GPATCH2: variants seen among roughly 807,000 people sequenced by gnomAD.
GPATCH2 encodes G patch domain-containing protein 2.
In GPATCH2, 51 loss-of-function variants were observed where a neutral mutation model predicts 58.0. That is an observed-to-expected ratio of 0.88 (90% confidence interval 0.70 to 1.11). The LOEUF (loss-of-function observed/expected upper bound fraction) is 1.11. GPATCH2 is among the 50% of genes most tolerant of loss of function. The probability of loss-of-function intolerance (pLI) is 0.00; values close to 1 mark genes in which losing one functional copy is unlikely to be tolerated. For synonymous variants in GPATCH2, 222 were observed against 218.5 expected (o/e 1.02, Z -0.14); for missense variants, 625 against 652.2 (o/e 0.96, Z 0.45).
At chr1:217,498,553 C>A in intron 6 of GPATCH2, 158 bp from the exon 7 acceptor site, 2 of 657,418 alleles carry the variant, frequency 3.0e-6, no homozygotes, top group Admixed American at 2.6e-5. Context: ...AGACTTAGAC[C>A]AATTTTGACA....
intron 8 of GPATCH2, among the ~76,000 whole-genome samples, chr1:217,463,023 G>A (rs1026553839): frequency 1.3e-5 from 2 of 152,118 alleles, no homozygotes; most frequent in Non-Finnish European, 2.9e-5. Context: ...GTCAATAAAT[G>A]TTACCCATAA....
intron 1 of GPATCH2, 144 bp from the exon 2 acceptor site, chr1:217,620,643 TAC>T (rs1451284975): frequency 5.1e-6 from 3 of 583,802 alleles, no homozygotes; most frequent in African/African-American, 1.9e-5. Context: ...TCCAAGATAT[TAC>T]AGTTTTAAAT....
chr1:217,484,433 G>A (rs982433000), intron 8 of GPATCH2, among the ~76,000 whole-genome samples: 1 of 109,764 alleles, frequency 9.1e-6, no homozygotes, highest in East Asian at 2.7e-4. Context: ...CTCAGACTCA[G>A]ACTAGATCTA....
chr1:217,484,962 GGTTAA>G (rs1311707986), intron 8 of GPATCH2, among the ~76,000 whole-genome samples: 1 of 151,998 alleles, frequency 6.6e-6, no homozygotes, highest in Non-Finnish European at 1.5e-5. Flanking sequence ...TATCCATGTG[GGTTAA>G]GTTTTCTATG....
At chr1:217,576,972 T>A (rs1353131802) in intron 5 of GPATCH2, among the ~76,000 whole-genome samples, 2 of 152,210 alleles carry the variant, frequency 1.3e-5, no homozygotes, top group Non-Finnish European at 2.9e-5. Flanking sequence ...TTTTTAAAAC[T>A]CTAAAATAGG....
At chr1:217,563,276 T>C (rs1666018338) in intron 5 of GPATCH2, among the ~76,000 whole-genome samples, 1 of 152,146 alleles carries the variant, frequency 6.6e-6, no homozygotes, top group Non-Finnish European at 1.5e-5. Flanking sequence ...ATCTAGTATA[T>C]ATTCAGGAAC....
intron 9 of GPATCH2, among the ~76,000 whole-genome samples, chr1:217,438,715 T>A (rs1658977118): frequency 6.6e-6 from 1 of 151,982 alleles, no homozygotes; most frequent in African/African-American, 2.4e-5. Context: ...TATGGGACCA[T>A]GTGAAAAGAC....
At chr1:217,466,635 T>A (rs184392052) in intron 8 of GPATCH2, among the ~76,000 whole-genome samples, 23 of 152,204 alleles carry the variant, frequency 1.5e-4, no homozygotes, top group African/African-American at 5.5e-4. Flanking sequence ...AACTTCAATA[T>A]TGCTCACAGT....
intron 5 of GPATCH2, among the ~76,000 whole-genome samples, chr1:217,581,270 A>T (rs1558501395): frequency 6.6e-6 from 1 of 152,158 alleles, no homozygotes; most frequent in African/African-American, 2.4e-5. Flanking sequence ...AAAACTATTG[A>T]TTTCAAAACT....
At chr1:217,592,940 T>C (rs1178490639) in intron 5 of GPATCH2, among the ~76,000 whole-genome samples, 1 of 151,964 alleles carries the variant, frequency 6.6e-6, no homozygotes, top group African/African-American at 2.4e-5. Flanking sequence ...CCCCTGACTT[T>C]TGATTCAAAA....
intron 5 of GPATCH2, among the ~76,000 whole-genome samples, chr1:217,549,979 C>T (rs951749804): frequency 6.6e-6 from 1 of 152,068 alleles, no homozygotes; most frequent in African/African-American, 2.4e-5. Flanking sequence ...AGTTCTTTAA[C>T]GGGAGAACTC....
chr1:217,596,821 T>C (rs1667852993), intron 5 of GPATCH2, among the ~76,000 whole-genome samples: 1 of 152,308 alleles, frequency 6.6e-6, no homozygotes, highest in East Asian at 1.9e-4. Context: ...TACTGGATAC[T>C]TTCTGTCTAT....
chr1:217,593,182 C>T (rs1667670000), intron 5 of GPATCH2, among the ~76,000 whole-genome samples: 1 of 151,850 alleles, frequency 6.6e-6, no homozygotes, highest in Non-Finnish European at 1.5e-5. Flanking sequence ...AATAGATTTT[C>T]TAATTTACAA....
chr1:217,498,149 G>A (rs773705951), intron 7 of GPATCH2: 42 of 646,806 alleles, frequency 6.5e-5, no homozygotes, highest in Non-Finnish European at 1.2e-4. Context: ...TGAAGACAGT[G>A]GCAGTAAAGG....
In GPATCH2 at chr1:217,600,728, TA is replaced by T. The variant is rs201609297; in HGVS notation, c.1098+9592del. Among the ~76,000 whole-genome samples, 1,517 of 152,082 alleles carry T rather than the reference TA, an allele frequency of 1.0e-2. 25 individuals carry two copies. Among genetic ancestry groups the T allele is most frequent in the East Asian group, 0.068 (354 of 5,178 alleles). The stretch of plus-strand genomic sequence containing the variant: ...TGTCATCACCATTTTAAAAGACAAC[TA>T]AAAAAAGGTGTTGCATCTTCATCTG... On this transcript the variant is annotated intron_variant, in intron 5 of 9. Transcript: ENST00000366935.
Position 217,565,577 on chromosome 1 carries a change from T to C in GPATCH2, c.1098+44744A>G, listed in dbSNP as rs530696496. ...TGCATGCATTTCACACACAGATTCATTGCTACATGGTTACTTTAACACTGT... is the reference window on the plus strand; with the variant it reads ...TGCATGCATTTCACACACAGATTCACTGCTACATGGTTACTTTAACACTGT... On this transcript the variant is annotated intron_variant, in intron 5 of 9. Transcript: ENST00000366935. Among the ~76,000 whole-genome samples the C allele has an allele frequency of 3.8e-3, 577 of 152,302 alleles. 2 individuals carry two copies. Among genetic ancestry groups the C allele is most frequent in the Non-Finnish European group, 6.4e-3 (433 of 68,020 alleles).
chr1:217,506,306 T>G (rs1024476770), intron 6 of GPATCH2, among the ~76,000 whole-genome samples: 2 of 152,166 alleles, frequency 1.3e-5, no homozygotes, highest in Non-Finnish European at 2.9e-5. Context: ...ACAGTTTCCC[T>G]GTGAACTATA....
intron 5 of GPATCH2, among the ~76,000 whole-genome samples, chr1:217,583,563 T>C (rs1667176657): frequency 8.0e-6 from 1 of 124,282 alleles, no homozygotes; most frequent in South Asian, 2.6e-4. Flanking sequence ...AGAGCAAGAC[T>C]CTGTCTCAAA....
Position 217,619,905 on chromosome 1 carries a change from G to C in GPATCH2, c.651C>G (p.Ile217Met), listed in dbSNP as rs1232180869. The C allele has an allele frequency of 3.7e-6, 6 of 1,613,492 alleles. No individual in the cohort carries two copies. The highest frequency in any genetic ancestry group is 5.1e-6 in the Non-Finnish European group (6 of 1,179,728). Residue 217 changes from isoleucine to methionine, a missense_variant, in exon 2 of 10, where the codon ATC (isoleucine) becomes ATG (methionine). Physicochemically the swap from Ile to Met is conservative, Grantham distance 10. Transcript: ENST00000366935. ...CATCTTGGATTTTTGGTCCTTGTCT[G>C]ATTATTTTCAACTTTCTTTTTTTGA... ...NKVKKRKLKI[I>M]RQGPKIQDEG...
Sources: allele counts gnomAD v4.1 joint callset (sites outside exome capture counted in the v4.1 genomes callset), GRCh38; gene constraint gnomAD v4.1.1; transcripts MANE v1.5; gene names NCBI Gene and HGNC (gene_info 2026-07-23, HGNC 2026-07-21).